The following CNTN4 variants were observed in gnomAD, a reference collection of about 807,000 sequenced individuals.
CNTN4 encodes the protein contactin 4.
A neutral mutation model predicts 122.5 loss-of-function variants in CNTN4; 77 were observed. That is an observed-to-expected ratio of 0.63 (90% CI 0.52 to 0.76). The LOEUF is 0.76. Among genes scored for constraint, CNTN4 ranks in the 30% least tolerant of loss-of-function variants. The pLI is 0.00. For missense variants in CNTN4, 1,256 were observed against 1,259.1 expected (o/e 1.00, Z 0.04); for synonymous variants, 512 against 447.0 (o/e 1.15, Z -1.83).
intron 14 of CNTN4, among the ~76,000 whole-genome samples, chr3:2,991,624 A>T (rs971080158): frequency 6.6e-6 from 1 of 152,174 alleles, no homozygotes; most frequent in African/African-American, 2.4e-5. Context: ...GGGGCCATCC[A>T]CAGTGCGAGG....
At chr3:2,434,251 A>G (rs563572298) in intron 3 of CNTN4, among the ~76,000 whole-genome samples, 2 of 152,326 alleles carry the variant, frequency 1.3e-5, no homozygotes, top group South Asian at 4.1e-4. Flanking sequence ...ATAACTTCAC[A>G]TTGTACCCCA....
At chr3:2,230,985 T>C (rs1481779458) in intron 2 of CNTN4, among the ~76,000 whole-genome samples, 1 of 151,732 alleles carries the variant, frequency 6.6e-6, no homozygotes, top group Non-Finnish European at 1.5e-5. Context: ...GAGACTCTGT[T>C]TCAAAAAAAC....
intron 2 of CNTN4, among the ~76,000 whole-genome samples, chr3:2,169,561 A>G (rs2728520): frequency 0.61 from 91,686 of 150,916 alleles, 28,466 homozygotes; most frequent in Non-Finnish European, 0.68. Flanking sequence ...CGCCGCCACC[A>G]CGCCCGGCTG....
At chr3:2,934,593 T>C (rs899506171) in intron 13 of CNTN4, among the ~76,000 whole-genome samples, 1 of 152,248 alleles carries the variant, frequency 6.6e-6, no homozygotes, top group African/African-American at 2.4e-5. Flanking sequence ...GTAAAGTTTA[T>C]TGCTTCAGGC....
At chr3:2,262,091 T>C (rs1352440900) in intron 2 of CNTN4, among the ~76,000 whole-genome samples, 1 of 152,216 alleles carries the variant, frequency 6.6e-6, no homozygotes, top group Non-Finnish European at 1.5e-5. Context: ...CCTTCACTTT[T>C]AATGTGAAAA....
At chr3:2,291,854 C>G (rs1331366420) in intron 2 of CNTN4, among the ~76,000 whole-genome samples, 1 of 152,108 alleles carries the variant, frequency 6.6e-6, no homozygotes, top group Non-Finnish European at 1.5e-5. Flanking sequence ...CTGCCTCTGC[C>G]TCCCGAGTAG....
chr3:2,584,636 G>T (rs1005919123), intron 4 of CNTN4, among the ~76,000 whole-genome samples: 4 of 138,400 alleles, frequency 2.9e-5, no homozygotes, highest in African/African-American at 1.1e-4. Context: ...GGTGGAGGTT[G>T]CAGTGAGCTG....
intron 16 of CNTN4, among the ~76,000 whole-genome samples, chr3:3,031,262 A>G (rs1460812422): frequency 6.6e-6 from 1 of 152,184 alleles, no homozygotes; most frequent in East Asian, 1.9e-4. Flanking sequence ...GACCTTCTAG[A>G]ACAAATTTAG....
intron 10 of CNTN4, among the ~76,000 whole-genome samples, chr3:2,888,053 C>T (rs375933570): frequency 4.6e-5 from 7 of 152,282 alleles, no homozygotes; most frequent in African/African-American, 1.2e-4. Flanking sequence ...GAGAGTAGTT[C>T]TGTAGGGCAA....
At chr3:2,941,376 A>C (rs1196909035) in intron 13 of CNTN4, among the ~76,000 whole-genome samples, 1 of 152,270 alleles carries the variant, frequency 6.6e-6, no homozygotes, top group East Asian at 1.9e-4. Flanking sequence ...TCTTCAGTAC[A>C]GGATTCTCCC....
intron 4 of CNTN4, among the ~76,000 whole-genome samples, chr3:2,651,635 G>C (rs1292649706): frequency 1.3e-5 from 2 of 152,104 alleles, no homozygotes; most frequent in Non-Finnish European, 2.9e-5. Flanking sequence ...AAGATCGCTT[G>C]AGCCCAGGAG....
At chr3:2,199,343 G>T (rs573301749) in intron 2 of CNTN4, among the ~76,000 whole-genome samples, 4 of 151,062 alleles carry the variant, frequency 2.6e-5, no homozygotes, top group African/African-American at 9.7e-5. Context: ...GTGTGTCTCT[G>T]TGTGTGTGTG....
intron 13 of CNTN4, among the ~76,000 whole-genome samples, chr3:2,963,324 T>A (rs540662354): frequency 2.4e-4 from 37 of 152,208 alleles, no homozygotes; most frequent in Non-Finnish European, 3.8e-4. Context: ...TATAATACTA[T>A]ACACTTTTCC....
chr3:2,106,396 G>A (rs1338162550), intron 2 of CNTN4, among the ~76,000 whole-genome samples: 4 of 152,150 alleles, frequency 2.6e-5, no homozygotes, highest in Non-Finnish European at 5.9e-5. Context: ...GGACATCCAG[G>A]CATTTCCGTA....
intron 2 of CNTN4, among the ~76,000 whole-genome samples, chr3:2,239,685 G>A (rs910003208): frequency 6.6e-6 from 1 of 152,110 alleles, no homozygotes; most frequent in African/African-American, 2.4e-5. Flanking sequence ...GACTGCAATA[G>A]CAGTCTTCTT....
In CNTN4 at chr3:2,841,403, A is replaced by C. The variant is rs2150516600; in HGVS notation, c.454+21822A>C. On this transcript the variant is annotated intron_variant, in intron 7 of 24. Coordinates refer to ENST00000418658, the MANE Select transcript of CNTN4 (RefSeq NM_175607.3). The surrounding 1 kb of genome is among the most constrained non-coding windows in gnomAD (Gnocchi z 4.8). ...CAACTCTACCATCACAACTGAGAAA[A>C]GGTAATGTGGTACATTTACAAATAA... Among the ~76,000 whole-genome samples the C allele has an allele frequency of 6.6e-6, 1 of 152,346 alleles. No individual in the cohort carries two copies. Among genetic ancestry groups the C allele is most frequent in the African/African-American group, 2.4e-5 (1 of 41,574 alleles).
chr3:2,572,639 G>T lies in CNTN4; in HGVS notation c.55+1081G>T, dbSNP rs899139565. On this transcript the variant is annotated intron_variant, in intron 4 of 24. Transcript: ENST00000418658. Reference sequence around the variant, plus strand: ...CCAAGAGGGACACCTGAATATATTTGCATTTTTACAACATGAAGCAAAAAT... The same window carrying T: ...CCAAGAGGGACACCTGAATATATTTTCATTTTTACAACATGAAGCAAAAAT... Among the ~76,000 whole-genome samples, 3 of 152,076 alleles carry T rather than the reference G, an allele frequency of 2.0e-5. 1 individual carries two copies. The highest frequency in any genetic ancestry group is 1.3e-4 in the Admixed American group (2 of 15,272).
chr3:2,979,872 C>T (rs1388456561), intron 13 of CNTN4, among the ~76,000 whole-genome samples: 1 of 152,136 alleles, frequency 6.6e-6, no homozygotes, highest in African/African-American at 2.4e-5. Flanking sequence ...TACGCTGTCT[C>T]CCTCTACAGC....
At chr3:2,754,690 C>T (rs2090249663) in intron 6 of CNTN4, among the ~76,000 whole-genome samples, 1 of 150,634 alleles carries the variant, frequency 6.6e-6, no homozygotes, top group Non-Finnish European at 1.5e-5. Flanking sequence ...CTTCCTGTGA[C>T]TTCAAGCAAG....
Sources: gnomAD v4.1 joint callset for allele counts (sites outside exome capture counted in the v4.1 genomes callset) on GRCh38, gnomAD v4.1.1 for gene constraint, Gnocchi (gnomAD v3.1) non-coding constraint, MANE v1.5 for transcripts, NCBI Gene and HGNC (gene_info 2026-07-23, HGNC 2026-07-21) for gene names.